The following CPEB3 variants were observed in gnomAD, a reference collection of about 807,000 sequenced individuals.
CPEB3 encodes the protein cytoplasmic polyadenylation element-binding protein 3.
Under a neutral mutation model 67.2 loss-of-function variants are expected in CPEB3, and 20 were observed. The ratio of observed to expected loss-of-function variants is 0.30; its 90% CI spans 0.21 to 0.43. The LOEUF is 0.43. Ranked by LOEUF, CPEB3 falls within the 20% of genes least tolerant of loss-of-function variation. The pLI is 1.00. For missense variants in CPEB3, 746 were observed against 968.6 expected (o/e 0.77, Z 3.05); for synonymous variants, 376 against 393.1 (o/e 0.96, Z 0.51).
intron 4 of CPEB3, among the ~76,000 whole-genome samples, chr10:92,160,753 T>C (rs566741989): frequency 1.3e-5 from 2 of 152,332 alleles, no homozygotes; most frequent in South Asian, 4.1e-4. Context: ...AAGGAGAATG[T>C]TGTTCACACA....
At chr10:92,124,877 A>G (rs1207250351) in intron 6 of CPEB3, among the ~76,000 whole-genome samples, 4 of 152,254 alleles carry the variant, frequency 2.6e-5, no homozygotes, top group Non-Finnish European at 5.9e-5. Context: ...ACTGCAGCCC[A>G]CTGCAGCTCC....
intron 4 of CPEB3, among the ~76,000 whole-genome samples, chr10:92,177,225 T>G (rs903839109): frequency 3.3e-5 from 5 of 152,232 alleles, no homozygotes; most frequent in African/African-American, 1.2e-4. Context: ...CGAGTGTTTT[T>G]GTTTAAAAGT....
intron 4 of CPEB3, among the ~76,000 whole-genome samples, chr10:92,164,906 C>T (rs7078559): frequency 0.68 from 102,920 of 152,034 alleles, 36,608 homozygotes; most frequent in African/African-American, 0.9. Flanking sequence ...TAACACAACA[C>T]TATTGTTTTC....
rs1229040616 is a variant in CPEB3 at position 92,048,862 on chromosome 10, C to A, written c.*3350G>T. The A allele has an allele frequency of 6.6e-6, 1 of 152,404 alleles. No individual in the cohort carries two copies. The highest frequency in any genetic ancestry group is 1.5e-5 in the Non-Finnish European group (1 of 68,016). 9.4% of individuals were successfully genotyped at this position (152,404 alleles called of 1,614,324 possible). A position where few individuals can be genotyped will look rare whatever the true frequency, so the allele number is the denominator to read the frequency against. On this transcript the variant is annotated 3_prime_UTR_variant, in exon 10 of 10. Transcript: ENST00000265997. The surrounding 1 kb of genome is among the most constrained non-coding windows in gnomAD (Gnocchi z 4.1). Reference sequence around the variant, plus strand: ...AAAAAATAAACTTTTAAAGAATTAGCATCATAAAATTAATTTATTCCAATA... The same window carrying A: ...AAAAAATAAACTTTTAAAGAATTAGAATCATAAAATTAATTTATTCCAATA...
intron 2 of CPEB3, among the ~76,000 whole-genome samples, chr10:92,237,753 C>A (rs1394513979): frequency 6.6e-6 from 1 of 152,178 alleles, no homozygotes; most frequent in Non-Finnish European, 1.5e-5. Context: ...GCTCTACCCC[C>A]TCCAAAAATA....
Position 92,166,865 on chromosome 10 carries a change from A to T in CPEB3, c.1222+14098T>A, listed in dbSNP as rs540496373. Reference sequence around the variant, plus strand: ...AAAGTCCTAGATGGCATCTTCTTCCAATAGATGGCTGTTTCACCTACACTG... The same window carrying T: ...AAAGTCCTAGATGGCATCTTCTTCCTATAGATGGCTGTTTCACCTACACTG... On this transcript the variant is annotated intron_variant, in intron 4 of 9. Coordinates refer to ENST00000265997, the MANE Select transcript of CPEB3 (RefSeq NM_014912.5). Among the ~76,000 whole-genome samples the T allele has an allele frequency of 2.6e-5, 4 of 152,356 alleles. No homozygotes were observed. In the East Asian group the frequency reaches 7.7e-4, roughly 29 times the overall value.
chr10:92,075,280 C>T (rs1462980360), intron 9 of CPEB3, among the ~76,000 whole-genome samples: 1 of 152,138 alleles, frequency 6.6e-6, no homozygotes, highest in Non-Finnish European at 1.5e-5. Context: ...TAAGTAGGAT[C>T]CTCTCTATAT....
At chr10:92,112,176 A>G (rs1844781645) in intron 6 of CPEB3, among the ~76,000 whole-genome samples, 1 of 145,182 alleles carries the variant, frequency 6.9e-6, no homozygotes, top group Admixed American at 7.2e-5. Context: ...CTGTCACCCA[A>G]TCTCAGTGCA....
intron 9 of CPEB3, among the ~76,000 whole-genome samples, chr10:92,062,128 C>T (rs1009537078): frequency 4.0e-4 from 60 of 151,378 alleles, no homozygotes; most frequent in African/African-American, 1.4e-3. Flanking sequence ...GTAATTCCAG[C>T]TACTCCAGAG....
chr10:92,233,720 C>T lies in CPEB3; in HGVS notation c.1005+5626G>A, dbSNP rs187062251. Among the ~76,000 whole-genome samples, 566 of 152,150 alleles carry T rather than the reference C, an allele frequency of 3.7e-3. 3 individuals are homozygous for T. Among genetic ancestry groups the T allele is most frequent in the African/African-American group, 0.013 (539 of 41,520 alleles). ...AAACTTCTTCCTCAGTTATTGATAA[C>T]CCACCAGCAAAATTAATACTAAGTT... On this transcript the variant is annotated intron_variant, in intron 2 of 9. Coordinates refer to ENST00000265997, the MANE Select transcript of CPEB3 (RefSeq NM_014912.5).
chr10:92,192,672 A>T, intron 2 of CPEB3, 36 bp from the exon 3 acceptor site: 3 of 1,496,510 alleles, frequency 2.0e-6, no homozygotes, highest in Non-Finnish European at 2.7e-6. Flanking sequence ...AATACATAAA[A>T]TTACTTCATA....
chr10:92,055,112 T>C (rs1038658100), intron 9 of CPEB3, among the ~76,000 whole-genome samples: 24 of 152,240 alleles, frequency 1.6e-4, no homozygotes, highest in Non-Finnish European at 2.2e-4. Context: ...AAATACCTAC[T>C]GCAAGCTGTA....
intron 2 of CPEB3, among the ~76,000 whole-genome samples, chr10:92,201,201 A>G (rs1267281600): frequency 1.3e-5 from 2 of 152,146 alleles, no homozygotes; most frequent in African/African-American, 2.4e-5. Flanking sequence ...GAAAGCAATG[A>G]CTATGACGGT....
In CPEB3 at chr10:92,053,449, T is replaced by C. The variant is rs1277079081; in HGVS notation, c.1870-1010A>G. On this transcript the variant is annotated intron_variant, in intron 9 of 9. Coordinates refer to ENST00000265997, the MANE Select transcript of CPEB3 (RefSeq NM_014912.5). ...TGCGATCTCGGCTCACTGCAAACTCTGCCTCCCAGGTTCAAGTGATTCTCC... is the reference window on the plus strand; with the variant it reads ...TGCGATCTCGGCTCACTGCAAACTCCGCCTCCCAGGTTCAAGTGATTCTCC... Among the ~76,000 whole-genome samples the C allele has an allele frequency of 2.7e-5, 4 of 150,186 alleles. No homozygotes were observed. In the South Asian group the frequency reaches 6.3e-4, roughly 24 times the overall value.
chr10:92,103,972 T>C (rs1393266749), intron 7 of CPEB3, among the ~76,000 whole-genome samples: 2 of 152,244 alleles, frequency 1.3e-5, no homozygotes, highest in Non-Finnish European at 2.9e-5. Flanking sequence ...CCTGGGAAGA[T>C]GCCTATTCTT....
chr10:92,183,949 A>C (rs1464361009), intron 3 of CPEB3, among the ~76,000 whole-genome samples: 1 of 152,166 alleles, frequency 6.6e-6, no homozygotes, highest in Admixed American at 6.5e-5. Context: ...TGTTCCTATA[A>C]CTACTTAGTT....
intron 7 of CPEB3, among the ~76,000 whole-genome samples, chr10:92,104,379 CTTTT>C (rs397845791): frequency 2.0e-4 from 25 of 127,208 alleles, no homozygotes; most frequent in African/African-American, 4.8e-4. Context: ...GGAAATGCAA[CTTTT>C]TTTTTTTTTT....
chr10:92,112,121 C>T (rs1485496027), intron 6 of CPEB3, among the ~76,000 whole-genome samples: 2 of 124,160 alleles, frequency 1.6e-5, no homozygotes, highest in Admixed American at 9.3e-5. Context: ...AGCAAGACCA[C>T]GTTCCTTTTT....
rs184912056 is a variant in CPEB3 at position 92,214,646 on chromosome 10, C to T, written c.1006-22010G>A. Among the ~76,000 whole-genome samples the T allele has an allele frequency of 1.4e-3, 208 of 152,170 alleles. 1 individual carries two copies. The highest frequency in any genetic ancestry group is 4.7e-3 in the African/African-American group (196 of 41,524). ...TACAGGCATGCACCACGACATCTGG[C>T]TAATTTTTTTTGTATTTTTACTAGA... On this transcript the variant is annotated intron_variant, in intron 2 of 9. Coordinates refer to ENST00000265997, the MANE Select transcript of CPEB3 (RefSeq NM_014912.5).
Sources: allele counts gnomAD v4.1 joint callset (sites outside exome capture counted in the v4.1 genomes callset), GRCh38; gene constraint gnomAD v4.1.1; non-coding constraint Gnocchi (gnomAD v3.1); transcripts MANE v1.5; gene names NCBI Gene and HGNC (gene_info 2026-07-23, HGNC 2026-07-21).